Variants in PLEC observed in about 807,000 individuals in gnomAD.
PLEC encodes hemidesmosomal protein 1.
PLEC carries 216 observed loss-of-function variants against 392.8 expected under a neutral mutation model. The observed-to-expected ratio is 0.55, with a 90% CI of 0.49 to 0.62. The LOEUF (loss-of-function observed/expected upper bound fraction) is 0.62. Among genes scored for constraint, PLEC ranks in the 20% least tolerant of loss-of-function variants. PLEC has a pLI of 0.00. For missense variants in PLEC, 6,863 were observed against 6,563.4 expected (o/e 1.05, Z -1.58); for synonymous variants, 3,621 against 2,980.6 (o/e 1.21, Z -7.00).
intron 1 of PLEC, 59 bp downstream of exon 1, chr8:143,939,291 C>G: frequency 1.3e-6 from 2 of 1,564,596 alleles, no homozygotes; most frequent in South Asian, 2.3e-5. Context: ...AGGAAGTGGG[C>G]CTTCCTCCCG....
At position 143,932,202 on chromosome 8, in the gene PLEC, C is replaced by A; in HGVS notation, c.2010G>T (p.Lys670Asn). 6.2e-7 allele frequency: 1 copy of A among 1,612,376 alleles called. No homozygotes were observed. Among genetic ancestry groups the A allele is most frequent in the Non-Finnish European group, 8.5e-7 (1 of 1,179,896 alleles). The part of the protein sequence containing the change: ...ALMRELELKE[K>N]KIKELQNAGD... ...CAGCATTTTGGAGCTCCTTGATCTT[C>A]TTCTCCTTCAGCTCCAGCTCCCGCA... Residue 670 changes from lysine to asparagine, a missense_variant, in exon 17 of 32, where the codon AAG (lysine) becomes AAT (asparagine). By Grantham distance (94) the Lys-to-Asn change is moderately conservative. Coordinates refer to ENST00000345136, the MANE Select transcript of PLEC (RefSeq NM_201384.3).
chr8:143,975,083 C>G, upstream of PLEC: 5 of 1,397,532 alleles, frequency 3.6e-6, no homozygotes, highest in Non-Finnish European at 4.0e-6. This position sits in a 1 kb window ranked among gnomAD's most constrained non-coding sequence, Gnocchi z 9.9. Flanking sequence ...TAGGCCTCCC[C>G]CACCCAGTCC....
upstream of PLEC, among the ~76,000 whole-genome samples, chr8:143,954,807 C>T (rs1198479863): frequency 6.6e-6 from 1 of 152,166 alleles, no homozygotes; most frequent in Non-Finnish European, 1.5e-5. This position sits in a 1 kb window ranked among gnomAD's most constrained non-coding sequence, Gnocchi z 4.6. Flanking sequence ...CACCCCAGTC[C>T]GTGCTGGTAG....
At chr8:143,942,356 C>T (rs1554729281), upstream of PLEC, 18 of 1,598,302 alleles carry the variant, frequency 1.1e-5, no homozygotes, top group Non-Finnish European at 1.5e-5. Context: ...GCGATGGTGG[C>T]CCCTTCTGTG....
chr8:143,968,264 A>G (rs374393284), intron 1 of PLEC, among the ~76,000 whole-genome samples: 33 of 152,308 alleles, frequency 2.2e-4, no homozygotes, highest in African/African-American at 7.7e-4. Flanking sequence ...AACTGGAGTC[A>G]TAATAATTAA....
In PLEC at chr8:143,920,106, C is replaced by T. The variant is rs1554680569; in HGVS notation, c.9715G>A (p.Val3239Ile). 2.5e-6 allele frequency: 4 copies of T among 1,612,996 alleles called. No individual in the cohort carries two copies. The highest frequency in any genetic ancestry group is 3.4e-6 in the Non-Finnish European group (4 of 1,180,044). ...TTGAAGCCACCCACGGGGACCTCAA[C>T]CGGGGTCTTTTCAAAGGTCTCACGG... is the stretch of plus-strand genomic sequence containing the variant. ...QARETFEKTPVEVPVGGFKGR... is the reference protein window; with the variant it reads ...QARETFEKTPIEVPVGGFKGR... The change falls in exon 32 of 32, where the codon GTT becomes ATT. Residue 3239 changes from valine (V) to isoleucine (I), a missense_variant. Physicochemically the swap from Val to Ile is conservative, Grantham distance 29. Transcript: ENST00000345136.
At chr8:143,958,895 G>C (rs1245516159), upstream of PLEC, 2 of 229,626 alleles carry the variant, frequency 8.7e-6, no homozygotes, top group African/African-American at 4.5e-5. The surrounding 1 kb of genome is among the most constrained non-coding windows in gnomAD (Gnocchi z 4.9). Context: ...TGAATTCCTG[G>C]AGTTCAGGGA....
At chr8:143,961,022 GC>G (rs1160537731) in intron 1 of PLEC, among the ~76,000 whole-genome samples, 1 of 152,236 alleles carries the variant, frequency 6.6e-6, no homozygotes, top group African/African-American at 2.4e-5. Context: ...CAGCCTCTGA[GC>G]GCACTCAGGC....
chr8:143,932,067 CG>C, intron 17 of PLEC, 35 bp from the exon 18 acceptor site: 1 of 1,557,432 alleles, frequency 6.4e-7, no homozygotes, highest in African/African-American at 1.4e-5. Context: ...GGCCCCGCCC[CG>C]CCCCGCCTGG....
rs957333967 is a variant in PLEC at position 143,970,165 on chromosome 8, G to A, written c.70+3238C>T. ...AGCCAGCACTGCAGGGTGTTTGCAC[G>A]GGTGAGTGGGTGATGGCGTAGGGCG... On this transcript the variant is annotated intron_variant, in intron 1 of 31. Coordinates refer to the PLEC transcript ENST00000356346. Among the ~76,000 whole-genome samples the A allele has an allele frequency of 2.6e-4, 39 of 152,020 alleles. 1 individual carries two copies. Among genetic ancestry groups the A allele is most frequent in the African/African-American group, 7.5e-4 (31 of 41,356 alleles).
chr8:143,957,952 C>T (rs536216625), upstream of PLEC, among the ~76,000 whole-genome samples: 1 of 152,332 alleles, frequency 6.6e-6, no homozygotes, highest in South Asian at 2.1e-4. Context: ...ATACCTCCAC[C>T]TGGGGCCCCC....
At chr8:143,926,936 C>T in intron 29 of PLEC, 41 bp downstream of exon 29, 3 of 1,605,002 alleles carry the variant, frequency 1.9e-6, no homozygotes, top group Non-Finnish European at 1.7e-6. Context: ...CAGCCAGAGG[C>T]CTGCCAGCCC....
Position 143,918,135 on chromosome 8 carries a change from C to G in PLEC, c.11686G>C (p.Glu3896Gln), listed in dbSNP as rs782396091. Residue 3896 changes from glutamate to glutamine, a missense_variant, in exon 32 of 32, where the codon GAG becomes CAG. By Grantham distance (29) the Glu-to-Gln change is conservative (BLOSUM62 2). Transcript: ENST00000345136. ...RGLRKQITMEELVRSQVMDEA... is the reference protein window; with the variant it reads ...RGLRKQITMEQLVRSQVMDEA... Reference sequence around the variant, plus strand: ...TCCATGACCTGCGAGCGCACCAGCTCCTCCATGGTGATCTGCTTCCGCAGG... The same window carrying G: ...TCCATGACCTGCGAGCGCACCAGCTGCTCCATGGTGATCTGCTTCCGCAGG... 14 of 1,599,436 alleles carry G rather than the reference C, an allele frequency of 8.8e-6. No individual in the cohort carries two copies. Among genetic ancestry groups the G allele is most frequent in the African/African-American group, 1.3e-5 (1 of 74,906 alleles).
In PLEC at chr8:143,922,211, T is replaced by TGCC; in HGVS notation, c.7607_7609dup (p.Arg2536dup). 6.4e-7 allele frequency: 1 copy of TGCC among 1,559,300 alleles called. No individual in the cohort carries two copies. The highest frequency in any genetic ancestry group is 8.7e-7 in the Non-Finnish European group (1 of 1,155,776). On this transcript the variant is annotated inframe_insertion, in exon 32 of 32. Coordinates refer to ENST00000345136, the MANE Select transcript of PLEC (RefSeq NM_201384.3). ...CCGTTCCTGCTCCATCTGCTGCTGC[T>TGCC]GCCGCTGCTGCTCCTCACGCAGCTG...
At chr8:143,956,440 G>A (rs1832599331), upstream of PLEC, among the ~76,000 whole-genome samples, 1 of 152,128 alleles carries the variant, frequency 6.6e-6, no homozygotes, top group Non-Finnish European at 1.5e-5. Context: ...CGGTGGCCTG[G>A]GCCTGTGGTC....
Position 143,929,921 on chromosome 8 carries a change from CGG to C in PLEC, c.2739+13_2739+14del, listed in dbSNP as rs782716728. The C allele has an allele frequency of 1.0e-5, 16 of 1,607,890 alleles. No individual in the cohort carries two copies. The South Asian group carries it at 1.5e-4, about 15-fold the overall frequency. The stretch of plus-strand genomic sequence containing the variant: ...CCTCCCACCCAGAGAGCCCCCGGCT[CGG>C]GGGCAGGCGTACCGTGGCCAGGGAC... On this transcript the variant is annotated intron_variant, in intron 22 of 31. Coordinates refer to ENST00000345136, the MANE Select transcript of PLEC (RefSeq NM_201384.3).
At chr8:143,951,535 A>T (rs1312474256), upstream of PLEC, among the ~76,000 whole-genome samples, 1 of 152,088 alleles carries the variant, frequency 6.6e-6, no homozygotes. Flanking sequence ...AACACTTCCC[A>T]TTCCAGGCCA....
At position 143,918,185 on chromosome 8, in the gene PLEC, T is replaced by C; in HGVS notation, c.11636A>G (p.Asp3879Gly). 1 of 1,592,818 alleles carries C rather than the reference T, an allele frequency of 6.3e-7. No homozygotes were observed. The highest frequency in any genetic ancestry group is 8.5e-7 in the Non-Finnish European group (1 of 1,175,768). ...GTGQLLLPLS[D>G]ARKLTFRGLR... ...GCCACGGAAGGTCAGCTTGCGGGCG[T>C]CCGACAGTGGCAGGAGCAGCTGGCC... The change falls in exon 32 of 32, where the codon GAC becomes GGC. Residue 3879 changes from aspartate to glycine, a missense_variant. Transcript: ENST00000345136.
intron 1 of PLEC, chr8:143,945,365 C>A: frequency 2.9e-6 from 1 of 341,058 alleles, no homozygotes; most frequent in South Asian, 2.2e-5. Context: ...TCCCGAAGCC[C>A]TGCTCTGTGG....
Sources: gnomAD v4.1 joint callset for allele counts (sites outside exome capture counted in the v4.1 genomes callset) on GRCh38, gnomAD v4.1.1 for gene constraint, Gnocchi (gnomAD v3.1) non-coding constraint, MANE v1.5 for transcripts, NCBI Gene and HGNC (gene_info 2026-07-23, HGNC 2026-07-21) for gene names.